EPM2A: variants seen among roughly 807,000 people sequenced by gnomAD.
The protein encoded by EPM2A is laforin.
Under a neutral mutation model 26.5 loss-of-function variants are expected in EPM2A, and 21 were observed. The observed-to-expected ratio is 0.79, with a 90% CI of 0.56 to 1.14. EPM2A has a LOEUF of 1.14. Among genes scored for constraint, EPM2A ranks in the 50% most tolerant of loss-of-function variants. The pLI is 0.00. For missense variants in EPM2A, 458 were observed against 440.8 expected (o/e 1.04, Z -0.35); for synonymous variants, 217 against 177.6 (o/e 1.22, Z -1.76).
intron 2 of EPM2A, chr6:145,639,229 A>G (rs1019715612): frequency 2.0e-5 from 3 of 152,206 alleles, no homozygotes; most frequent in African/African-American, 7.2e-5. Flanking sequence ...ATCAATCATG[A>G]ACTCAAGAGA....
chr6:145,495,807 C>T (rs1166105025), intron 4 of EPM2A, among the ~76,000 whole-genome samples: 1 of 152,176 alleles, frequency 6.6e-6, no homozygotes, highest in African/African-American at 2.4e-5. Flanking sequence ...GAACTCCTGA[C>T]CTCGTGATCT....
Position 145,420,315 on chromosome 6 carries a change from T to A in EPM2A, c.556-36218A>T, listed in dbSNP as rs371228881. 1.4e-3 allele frequency among the ~76,000 whole-genome samples: 206 copies of A among 152,294 alleles called. 1 individual carries two copies. Among genetic ancestry groups the A allele is most frequent in the African/African-American group, 4.6e-3 (190 of 41,576 alleles). On this transcript the variant is annotated intron_variant, in intron 4 of 4. Transcript: ENST00000638717. ...CATATGGAATATACCCATATGCTTA[T>A]GATATTCTACAATTTCTGCAAATTG... is the stretch of plus-strand genomic sequence containing the variant.
intron 4 of EPM2A, among the ~76,000 whole-genome samples, chr6:145,388,341 C>T (rs1778290600): frequency 6.6e-6 from 1 of 152,100 alleles, no homozygotes; most frequent in East Asian, 1.9e-4. Context: ...TTAATCTCTG[C>T]CCTCTTCACT....
At chr6:145,551,278 T>C (rs913238624) in intron 2 of EPM2A, among the ~76,000 whole-genome samples, 3 of 151,924 alleles carry the variant, frequency 2.0e-5, no homozygotes, top group African/African-American at 7.2e-5. Context: ...AATCCAAACA[T>C]CTTAAAAATT....
chr6:145,420,774 A>G (rs1778770960), intron 4 of EPM2A, among the ~76,000 whole-genome samples: 1 of 152,080 alleles, frequency 6.6e-6, no homozygotes, highest in African/African-American at 2.4e-5. Context: ...TTACAGTTCT[A>G]GAGAGAGCCC....
At chr6:145,522,155 T>C (rs1484645988) in intron 2 of EPM2A, among the ~76,000 whole-genome samples, 1 of 152,114 alleles carries the variant, frequency 6.6e-6, no homozygotes, top group Non-Finnish European at 1.5e-5. Context: ...GGTTTCACCA[T>C]GTTAGCCAGG....
intron 2 of EPM2A, among the ~76,000 whole-genome samples, chr6:145,552,421 A>C (rs913546384): frequency 6.6e-6 from 1 of 152,078 alleles, no homozygotes; most frequent in African/African-American, 2.4e-5. Flanking sequence ...AAGAATGAAA[A>C]CCAGAAGATT....
intron 1 of EPM2A, among the ~76,000 whole-genome samples, chr6:145,691,275 A>G (rs1186041856): frequency 5.3e-5 from 8 of 152,190 alleles, no homozygotes; most frequent in Admixed American, 5.2e-4. Context: ...ACAGCAATGT[A>G]AAGGAAAAAA....
chr6:145,592,963 T>C (rs1781294760), intron 2 of EPM2A, among the ~76,000 whole-genome samples: 1 of 152,054 alleles, frequency 6.6e-6, no homozygotes, highest in Non-Finnish European at 1.5e-5. Flanking sequence ...ATATCAATAA[T>C]CACTTTAAAT....
intron 2 of EPM2A, among the ~76,000 whole-genome samples, chr6:145,663,382 G>A (rs1375341151): frequency 2.0e-5 from 3 of 152,210 alleles, no homozygotes; most frequent in Non-Finnish European, 4.4e-5. Flanking sequence ...CAGACAGTGG[G>A]CACAGGCCAG....
intron 1 of EPM2A, chr6:145,734,871 G>A (rs1375235495): frequency 5.9e-6 from 1 of 169,384 alleles, no homozygotes; most frequent in Non-Finnish European, 1.3e-5. Context: ...ACTGGCCCGT[G>A]ACGCAGGCGC....
At chr6:145,410,839 A>G (rs1163360652) in intron 4 of EPM2A, among the ~76,000 whole-genome samples, 4 of 152,214 alleles carry the variant, frequency 2.6e-5, no homozygotes, top group Non-Finnish European at 4.4e-5. Flanking sequence ...AGCCCCTGCT[A>G]TTACTTAGGA....
At chr6:145,444,453 ACC>A (rs1323662624) in intron 4 of EPM2A, among the ~76,000 whole-genome samples, 7 of 152,262 alleles carry the variant, frequency 4.6e-5, no homozygotes, top group Non-Finnish European at 8.8e-5. Flanking sequence ...AGCCTACTTG[ACC>A]ATGGTTGATG....
chr6:145,643,291 C>T (rs927448485), intron 2 of EPM2A, among the ~76,000 whole-genome samples: 3 of 152,146 alleles, frequency 2.0e-5, no homozygotes, highest in Non-Finnish European at 4.4e-5. Context: ...AGTTCATCAA[C>T]ATTTTATTTA....
intron 2 of EPM2A, among the ~76,000 whole-genome samples, chr6:145,587,843 G>A (rs750948572): frequency 2.0e-5 from 3 of 152,080 alleles, no homozygotes; most frequent in Admixed American, 2.0e-4. Context: ...ACCTTGAAAG[G>A]CATGCCATTT....
intron 2 of EPM2A, among the ~76,000 whole-genome samples, chr6:145,537,893 G>T (rs867157059): frequency 4.6e-5 from 7 of 152,028 alleles, no homozygotes; most frequent in Non-Finnish European, 2.9e-5. Context: ...GAGACTGATG[G>T]CTTCCAGCTT....
At chr6:145,697,240 T>C (rs1053370665) in intron 1 of EPM2A, among the ~76,000 whole-genome samples, 3 of 152,040 alleles carry the variant, frequency 2.0e-5, no homozygotes, top group Non-Finnish European at 4.4e-5. Context: ...GCAGGTTCCG[T>C]GATGCCCCCG....
At chr6:145,433,976 G>A (rs1778953809) in intron 4 of EPM2A, among the ~76,000 whole-genome samples, 1 of 151,990 alleles carries the variant, frequency 6.6e-6, no homozygotes, top group African/African-American at 2.4e-5. Flanking sequence ...ATGATTATTA[G>A]TATTTGTTAT....
At chr6:145,520,874 T>C (rs534822664) in intron 2 of EPM2A, among the ~76,000 whole-genome samples, 62 of 152,184 alleles carry the variant, frequency 4.1e-4, no homozygotes, top group Non-Finnish European at 7.1e-4. Context: ...TTAAAAGACA[T>C]GAAGAGTTGC....
Sources: gnomAD v4.1 joint callset for allele counts (sites outside exome capture counted in the v4.1 genomes callset) on GRCh38, gnomAD v4.1.1 for gene constraint, MANE v1.5 for transcripts, NCBI Gene and HGNC (gene_info 2026-07-23, HGNC 2026-07-21) for gene names.